PLEKHG6: variants seen among roughly 807,000 people sequenced by gnomAD.
PLEKHG6 encodes the protein pleckstrin homology and RhoGEF domain containing G6.
A neutral mutation model predicts 97.5 loss-of-function variants in PLEKHG6; 91 were observed. That is an observed-to-expected ratio of 0.93 (90% CI 0.79 to 1.11). PLEKHG6 has a LOEUF of 1.11. Ranked by LOEUF, PLEKHG6 falls within the 50% of genes most tolerant of loss-of-function variation. The probability of loss-of-function intolerance (pLI) is 0.00; values close to 1 mark genes in which losing one functional copy is unlikely to be tolerated. For synonymous variants in PLEKHG6, 466 were observed against 425.5 expected (o/e 1.10, Z -1.17); for missense variants, 1,044 against 1,031.0 (o/e 1.01, Z -0.17).
In PLEKHG6 at chr12:6,317,417, G is replaced by A; in HGVS notation, c.867+4G>A. Reference sequence around the variant, plus strand: ...TCTCTTCCATGCCTTCGTGCAGGTGGGAGAAGGGGTGCTGGGGAGGGGGAC... The same window carrying A: ...TCTCTTCCATGCCTTCGTGCAGGTGAGAGAAGGGGTGCTGGGGAGGGGGAC... On this transcript the variant is annotated splice_donor_region_variant and intron_variant, in intron 8 of 15. Transcript: ENST00000684764. 8 of 1,612,132 alleles carry A rather than the reference G, an allele frequency of 5.0e-6. No homozygotes were observed. Among genetic ancestry groups the A allele is most frequent in the African/African-American group, 1.3e-5 (1 of 74,992 alleles).
In PLEKHG6 at chr12:6,311,239, G is replaced by C. The variant is rs749927; in HGVS notation, c.-69+391G>C. On this transcript the variant is annotated intron_variant, in intron 1 of 15. Transcript: ENST00000684764. Reference sequence around the variant, plus strand: ...AGGGCGGGCCCTCCCTCCAGGTTTAGGGGGGAGGGATGGAGCCCCACGCCT... The same window carrying C: ...AGGGCGGGCCCTCCCTCCAGGTTTACGGGGGAGGGATGGAGCCCCACGCCT... 6.9e-4 allele frequency: 105 copies of C among 152,552 alleles called. 1 individual carries two copies. The highest frequency in any genetic ancestry group is 2.2e-3 in the African/African-American group (91 of 41,558). The allele number at this position is 152,552 out of a possible 1,614,324, so 9.4% of individuals were successfully genotyped here.
rs1380786058 is a variant in PLEKHG6 at position 6,328,137 on chromosome 12, G to A, written c.2365G>A (p.Glu789Lys). 1 of 1,613,974 alleles carries A rather than the reference G, an allele frequency of 6.2e-7. No individual in the cohort carries two copies. The highest frequency in any genetic ancestry group is 2.2e-5 in the East Asian group (1 of 44,892). The change falls in exon 16 of 16, where the codon GAG (glutamate) becomes AAG (lysine). Residue 789 changes from glutamate to lysine, a missense_variant and splice_region_variant. Glu to Lys is a moderately conservative substitution (Grantham distance 56, BLOSUM62 1). Transcript: ENST00000684764. ...IQLDTPLSAS[E>K]V ...TAACACCCCCTCCTGTCTTTTCAGA[G>A]AGGTATGAGGAATGCAGAGGACCTT...
Position 6,327,722 on chromosome 12 carries a change from G to T in PLEKHG6, c.2139G>T (p.Gly713=), listed in dbSNP as rs376640639. Residue 713 remains glycine (G), a synonymous_variant, in exon 15 of 16, where the codon GGG becomes GGT. Transcript: ENST00000684764. ...GGGAAAGCCCCTGGGAGTCCTCAGGGGAGGAGGAAGAAGAGGGGCCTCTGT... is the reference window on the plus strand; with the variant it reads ...GGGAAAGCCCCTGGGAGTCCTCAGGTGAGGAGGAAGAAGAGGGGCCTCTGT... ...SAGESPWESS[G]EEEEEGPLFL... The T allele has an allele frequency of 1.9e-6, 3 of 1,556,152 alleles. No individual in the cohort carries two copies. The highest frequency in any genetic ancestry group is 2.6e-6 in the Non-Finnish European group (3 of 1,154,092).
intron 9 of PLEKHG6, 67 bp from the exon 10 acceptor site, chr12:6,317,790 G>A (rs1947533202): frequency 6.4e-7 from 1 of 1,550,592 alleles, no homozygotes; most frequent in African/African-American, 1.4e-5. Flanking sequence ...GCGCTGTGCT[G>A]TGGCTGGCAT....
chr12:6,315,907 A>C lies in PLEKHG6; in HGVS notation c.594A>C (p.Gly198=). The stretch of plus-strand genomic sequence containing the variant: ...GCCTGCTGAACCTGCAGCGAGTGGG[A>C]CTGCTGATGGAAGTGAGTGGGTGCT... ...AAGLLNLQRV[G]LLMEVSAETL... Residue 198 remains glycine (G), a synonymous_variant, in exon 6 of 16, where the codon GGA becomes GGC. Transcript: ENST00000684764. This position sits in a 1 kb window ranked among gnomAD's most constrained non-coding sequence, Gnocchi z 4.5. 1 of 1,580,678 alleles carries C rather than the reference A, an allele frequency of 6.3e-7. No individual in the cohort carries two copies. The highest frequency in any genetic ancestry group is 8.6e-7 in the Non-Finnish European group (1 of 1,163,026).
Position 6,325,608 on chromosome 12 carries a change from T to C in PLEKHG6, c.1525-820T>C, listed in dbSNP as rs111526813. 7.1e-3 allele frequency among the ~76,000 whole-genome samples: 1,082 copies of C among 152,336 alleles called. 9 individuals are homozygous for C. The highest frequency in any genetic ancestry group is 0.043 in the East Asian group (223 of 5,178). On this transcript the variant is annotated intron_variant, in intron 13 of 15. Coordinates refer to ENST00000684764, the MANE Select transcript of PLEKHG6 (RefSeq NM_001384598.1). ...CTCAGCCTGGGACAAAGCCCACCTCTGCCCACGTTCTGCCCTCCTGCTCCT... is the reference window on the plus strand; with the variant it reads ...CTCAGCCTGGGACAAAGCCCACCTCCGCCCACGTTCTGCCCTCCTGCTCCT...
At chr12:6,325,424 A>G (rs1227291908) in intron 13 of PLEKHG6, among the ~76,000 whole-genome samples, 1 of 152,236 alleles carries the variant, frequency 6.6e-6, no homozygotes, top group East Asian at 1.9e-4. Context: ...TCAAATGACC[A>G]CATGTGCAAA....
chr12:6,310,714 G>GCGGGC lies in PLEKHG6; in HGVS notation c.-200_-196dup, dbSNP rs988005391. ...CCCGGACCCGCGCTGCCCGGCTCCCGCGGGCCGCTCGATCCCAGTCCCAGG... is the reference window on the plus strand; with the variant it reads ...CCCGGACCCGCGCTGCCCGGCTCCCGCGGGCCGGGCCGCTCGATCCCAGTCCCAGG... On this transcript the variant is annotated 5_prime_UTR_variant, in exon 1 of 16. Coordinates refer to ENST00000684764, the MANE Select transcript of PLEKHG6 (RefSeq NM_001384598.1). 1 of 152,046 alleles carries GCGGGC rather than the reference G, an allele frequency of 6.6e-6. No individual in the cohort carries two copies. Among genetic ancestry groups the GCGGGC allele is most frequent in the Non-Finnish European group, 1.5e-5 (1 of 68,010 alleles). 9.4% of individuals were successfully genotyped at this position (152,046 alleles called of 1,614,324 possible). A position where few individuals can be genotyped will look rare whatever the true frequency, so the allele number is the denominator to read the frequency against.
At chr12:6,313,219 C>A in intron 2 of PLEKHG6, 1 of 1,537,078 alleles carries the variant, frequency 6.5e-7, no homozygotes, top group Non-Finnish European at 8.8e-7. Context: ...GTGAGGGAGG[C>A]TGGTCATAGA....
chr12:6,328,222 CT>C lies in PLEKHG6; in HGVS notation c.*78del. ...AGTAGTGCTGGTCACCCTCCGGCAT[CT>C]GTGACTCTACCTCAAGGACCACATT... On this transcript the variant is annotated 3_prime_UTR_variant, in exon 16 of 16. Transcript: ENST00000684764. 1 of 1,438,524 alleles carries C rather than the reference CT, an allele frequency of 7.0e-7. No individual in the cohort carries two copies. The highest frequency in any genetic ancestry group is 1.4e-5 in the African/African-American group (1 of 72,022). 89.1% of individuals were successfully genotyped at this position (1,438,524 alleles called of 1,614,324 possible).
At chr12:6,311,572 A>G (rs910569198) in intron 1 of PLEKHG6, among the ~76,000 whole-genome samples, 24 of 152,346 alleles carry the variant, frequency 1.6e-4, no homozygotes, top group African/African-American at 5.8e-4. Context: ...GTGTTTATGG[A>G]CACTGAATTT....
chr12:6,316,705 G>A lies in PLEKHG6; in HGVS notation c.756+301G>A, dbSNP rs1329783523. Among the ~76,000 whole-genome samples the A allele has an allele frequency of 8.3e-6, 1 of 120,982 alleles. No individual in the cohort carries two copies. The highest frequency in any genetic ancestry group is 1.9e-5 in the Non-Finnish European group (1 of 53,020). 79.4% of individuals were successfully genotyped at this position (120,982 alleles called of 152,430 possible). The stretch of plus-strand genomic sequence containing the variant: ...GTGCAGCAAATGAGGCCTAAGTGAG[G>A]GGACCCTTAGGAGGACCTGGGTGGG... On this transcript the variant is annotated intron_variant, in intron 7 of 15. Coordinates refer to ENST00000684764, the MANE Select transcript of PLEKHG6 (RefSeq NM_001384598.1). This position sits in a 1 kb window ranked among gnomAD's most constrained non-coding sequence, Gnocchi z 4.1.
At chr12:6,317,260 T>G (rs1456424430) in intron 7 of PLEKHG6, 43 bp from the exon 8 acceptor site, 1 of 1,299,244 alleles carries the variant, frequency 7.7e-7, no homozygotes, top group Admixed American at 1.7e-5. Flanking sequence ...TTCATGGCCT[T>G]CTCCCCATGC....
At chr12:6,317,112 G>C (rs1469716266) in intron 7 of PLEKHG6, among the ~76,000 whole-genome samples, 191 bp from the exon 8 acceptor site, 1 of 152,210 alleles carries the variant, frequency 6.6e-6, no homozygotes, top group African/African-American at 2.4e-5. Context: ...AGGCTCCTTC[G>C]TGGAATCCAG....
At position 6,328,167 on chromosome 12, in the gene PLEKHG6, A is replaced by G. The variant is rs541341483; in HGVS notation, c.*22A>G. The G allele has an allele frequency of 1.2e-6, 2 of 1,612,652 alleles. No individual in the cohort carries two copies. The highest frequency in any genetic ancestry group is 2.2e-5 in the East Asian group (1 of 44,880). ...ATGAGGAATGCAGAGGACCTTTGGC[A>G]TGCATCTCTCCCAGAGGAGATCTCT... On this transcript the variant is annotated 3_prime_UTR_variant, in exon 16 of 16. Coordinates refer to ENST00000684764, the MANE Select transcript of PLEKHG6 (RefSeq NM_001384598.1).
intron 13 of PLEKHG6, among the ~76,000 whole-genome samples, chr12:6,324,778 C>G (rs1947813486): frequency 6.6e-6 from 1 of 152,130 alleles, no homozygotes; most frequent in Non-Finnish European, 1.5e-5. Context: ...TTGTCCTGAC[C>G]CAGCTGCTCC....
Position 6,319,073 on chromosome 12 carries a change from C to T in PLEKHG6, c.1489C>T (p.Arg497Cys), listed in dbSNP as rs201385507. 1.5e-5 allele frequency: 24 copies of T among 1,609,490 alleles called. No individual in the cohort carries two copies. In the South Asian group the frequency reaches 2.0e-4, roughly 13 times the overall value. ...TGTGCACTGTCCCAGTCCTACAGAC[C>T]GTGCCCAGTGGCTGGAGAAGACCCA... is the stretch of plus-strand genomic sequence containing the variant. The part of the protein sequence containing the change: ...LLVHCPSPTD[R>C]AQWLEKTQQA... The change falls in exon 13 of 16, where the codon CGT (arginine) becomes TGT (cysteine). Residue 497 changes from arginine (R) to cysteine (C), a missense_variant. Coordinates refer to ENST00000684764, the MANE Select transcript of PLEKHG6 (RefSeq NM_001384598.1).
Position 6,315,949 on chromosome 12 carries a change from C to T in PLEKHG6, c.606+30C>T. On this transcript the variant is annotated intron_variant, in intron 6 of 15. Transcript: ENST00000684764. This position sits in a 1 kb window ranked among gnomAD's most constrained non-coding sequence, Gnocchi z 4.5. ...GTGGGTGCTCAGGAGGGGACCCTGG[C>T]ACAGCCCGACCTCTGAGCCTGGGGA... The T allele has an allele frequency of 6.4e-7, 1 of 1,551,060 alleles. No individual in the cohort carries two copies. The highest frequency in any genetic ancestry group is 8.8e-7 in the Non-Finnish European group (1 of 1,142,780).
chr12:6,310,851 G>T lies in PLEKHG6; in HGVS notation c.-69+3G>T. On this transcript the variant is annotated splice_donor_region_variant and intron_variant, in intron 1 of 15. Coordinates refer to ENST00000684764, the MANE Select transcript of PLEKHG6 (RefSeq NM_001384598.1). Reference sequence around the variant, plus strand: ...TGCGGTGACACCTGTGGGCACAGGTGAGCGGCGGGAGGGCTACGCGGCCCG... The same window carrying T: ...TGCGGTGACACCTGTGGGCACAGGTTAGCGGCGGGAGGGCTACGCGGCCCG... 2 of 152,518 alleles carry T rather than the reference G, an allele frequency of 1.3e-5. No homozygotes were observed. Among genetic ancestry groups the T allele is most frequent in the South Asian group, 3.8e-4 (2 of 5,206 alleles). 9.4% of individuals were successfully genotyped at this position (152,518 alleles called of 1,614,324 possible).
Sources: allele counts gnomAD v4.1 joint callset (sites outside exome capture counted in the v4.1 genomes callset), GRCh38; gene constraint gnomAD v4.1.1; non-coding constraint Gnocchi (gnomAD v3.1); transcripts MANE v1.5; gene names NCBI Gene and HGNC (gene_info 2026-07-23, HGNC 2026-07-21).